The following NBEA variants were observed in gnomAD, a reference collection of about 807,000 sequenced individuals.
NBEA encodes lysosomal-trafficking regulator 2.
NBEA carries 44 observed loss-of-function variants against 343.4 expected under a neutral mutation model. That is an observed-to-expected ratio of 0.13 (90% CI 0.10 to 0.16). The LOEUF is 0.16. Among genes scored for constraint, NBEA ranks in the 10% least tolerant of loss-of-function variants. NBEA has a pLI of 1.00. For synonymous variants in NBEA, 1,175 were observed against 1,238.7 expected (o/e 0.95, Z 1.08); for missense variants, 2,555 against 3,631.3 (o/e 0.70, Z 7.62).
chr13:34,983,499 T>C (rs1372698706), intron 1 of NBEA, among the ~76,000 whole-genome samples: 1 of 152,200 alleles, frequency 6.6e-6, no homozygotes, highest in Admixed American at 6.5e-5. Flanking sequence ...CATGTGTCTT[T>C]ATAGTAGTAT....
At chr13:35,104,294 TTTACC>T in intron 11 of NBEA, among the ~76,000 whole-genome samples, 1 of 152,074 alleles carries the variant, frequency 6.6e-6, no homozygotes, top group South Asian at 2.1e-4. Flanking sequence ...ACCATCAGTG[TTTACC>T]TATGCTGCTA....
intron 45 of NBEA, among the ~76,000 whole-genome samples, chr13:35,571,356 A>T (rs570816442): frequency 6.6e-6 from 1 of 152,300 alleles, no homozygotes; most frequent in East Asian, 1.9e-4. Flanking sequence ...AATAGTGGGA[A>T]TTGGGAGAAA....
chr13:35,450,720 A>G (rs1376141083), intron 39 of NBEA, among the ~76,000 whole-genome samples: 1 of 152,180 alleles, frequency 6.6e-6, no homozygotes, highest in Admixed American at 6.5e-5. Context: ...GAATATATCC[A>G]CCACCCCAAA....
At chr13:35,661,570 G>A (rs1173323348) in intron 55 of NBEA, among the ~76,000 whole-genome samples, 3 of 152,136 alleles carry the variant, frequency 2.0e-5, no homozygotes, top group Non-Finnish European at 4.4e-5. Flanking sequence ...GGAAATGCGG[G>A]TCCAAGTGTA....
chr13:35,573,121 A>G (rs17052439), intron 45 of NBEA, among the ~76,000 whole-genome samples: 8,988 of 152,266 alleles, frequency 0.059, 918 homozygotes, highest in African/African-American at 0.2. Context: ...AATCCACACT[A>G]TGTTGAAAAT....
At chr13:35,571,545 G>T (rs539342158) in intron 45 of NBEA, among the ~76,000 whole-genome samples, 1 of 152,122 alleles carries the variant, frequency 6.6e-6, no homozygotes, top group Non-Finnish European at 1.5e-5. Context: ...TTTTAACACC[G>T]TAAAGTAGTT....
intron 39 of NBEA, among the ~76,000 whole-genome samples, chr13:35,436,482 G>T (rs1566131210): frequency 6.6e-6 from 1 of 152,054 alleles, no homozygotes; most frequent in African/African-American, 2.4e-5. Flanking sequence ...AGGCTGAGGC[G>T]GGTGGATCAC....
At chr13:35,446,152 T>G (rs533854408) in intron 39 of NBEA, among the ~76,000 whole-genome samples, 1 of 152,186 alleles carries the variant, frequency 6.6e-6, no homozygotes, top group South Asian at 2.1e-4. Context: ...GAACTCATCC[T>G]TTTTTATGGC....
intron 38 of NBEA, among the ~76,000 whole-genome samples, chr13:35,358,666 C>T (rs888075193): frequency 3.3e-5 from 5 of 151,554 alleles, no homozygotes; most frequent in Non-Finnish European, 5.9e-5. Flanking sequence ...TGCAGTGAGC[C>T]GAGATTGTGC....
chr13:34,986,717 T>C (rs1246897258), intron 1 of NBEA, among the ~76,000 whole-genome samples: 3 of 150,988 alleles, frequency 2.0e-5, no homozygotes, highest in African/African-American at 4.8e-5. Flanking sequence ...GTCTGGGTGC[T>C]CCTGTATTGG....
intron 1 of NBEA, among the ~76,000 whole-genome samples, chr13:34,947,361 A>G (rs888775768): frequency 1.3e-5 from 2 of 152,198 alleles, no homozygotes; most frequent in African/African-American, 4.8e-5. Flanking sequence ...TGCTAATTAA[A>G]AATATCTCAA....
chr13:35,247,280 C>G (rs948701977), intron 34 of NBEA, among the ~76,000 whole-genome samples: 3 of 152,180 alleles, frequency 2.0e-5, no homozygotes, highest in African/African-American at 7.2e-5. Context: ...GAATTCTTGC[C>G]TTCCCCCAAG....
At chr13:35,146,624 C>T (rs758006673) in intron 18 of NBEA, among the ~76,000 whole-genome samples, 2 of 152,054 alleles carry the variant, frequency 1.3e-5, no homozygotes, top group Admixed American at 1.3e-4. Context: ...GGTATTGCGC[C>T]TGTGTCACAG....
At chr13:35,454,768 G>A (rs915089777) in intron 40 of NBEA, among the ~76,000 whole-genome samples, 1 of 152,086 alleles carries the variant, frequency 6.6e-6, no homozygotes, top group Non-Finnish European at 1.5e-5. Context: ...GCTGAGGCAG[G>A]AGAATGGCAT....
intron 34 of NBEA, among the ~76,000 whole-genome samples, chr13:35,259,138 T>A (rs964560563): frequency 5.3e-5 from 8 of 152,212 alleles, no homozygotes; most frequent in African/African-American, 1.4e-4. Context: ...TTATGGGAAG[T>A]TAGTTTTCTC....
chr13:35,536,723 C>T (rs2078570286), intron 41 of NBEA, among the ~76,000 whole-genome samples: 2 of 152,150 alleles, frequency 1.3e-5, no homozygotes, highest in African/African-American at 4.8e-5. Context: ...AAGGTTGATT[C>T]AGCTAGTCGT....
chr13:35,136,378 G>A (rs1048945584), intron 17 of NBEA, among the ~76,000 whole-genome samples: 1 of 152,126 alleles, frequency 6.6e-6, no homozygotes, highest in African/African-American at 2.4e-5. Context: ...GATGTTCTGT[G>A]ATGAAAATGG....
chr13:35,439,737 T>A (rs993629803), intron 39 of NBEA, among the ~76,000 whole-genome samples: 12 of 152,194 alleles, frequency 7.9e-5, no homozygotes, highest in African/African-American at 2.9e-4. Flanking sequence ...TAATAAAAAA[T>A]AAATAAATAA....
intron 10 of NBEA, among the ~76,000 whole-genome samples, chr13:35,084,881 T>C (rs1360219424): frequency 6.6e-6 from 1 of 151,774 alleles, no homozygotes. Context: ...ATAGATGCAA[T>C]AAAAAATGAT....
Sources: gnomAD v4.1 joint callset for allele counts (sites outside exome capture counted in the v4.1 genomes callset) on GRCh38, gnomAD v4.1.1 for gene constraint, MANE v1.5 for transcripts, NCBI Gene and HGNC (gene_info 2026-07-23, HGNC 2026-07-21) for gene names.